The following PCCA variants were observed in gnomAD, a reference collection of about 807,000 sequenced individuals.
PCCA encodes the protein propionyl-CoA carboxylase subunit alpha.
In PCCA, 74 loss-of-function variants were observed where a neutral mutation model predicts 101.3. That is an observed-to-expected ratio of 0.73 (90% CI 0.61 to 0.89). The LOEUF is 0.89. PCCA is among the 40% of genes least tolerant of loss of function. PCCA has a pLI of 0.00. For synonymous variants in PCCA, 294 were observed against 313.6 expected (o/e 0.94, Z 0.66); for missense variants, 891 against 907.0 (o/e 0.98, Z 0.23).
intron 18 of PCCA, among the ~76,000 whole-genome samples, chr13:100,352,457 G>A (rs1247747088): frequency 6.6e-6 from 1 of 150,482 alleles, no homozygotes; most frequent in East Asian, 1.9e-4. Flanking sequence ...GAGTGCAGTG[G>A]CATCACAGGT....
intron 20 of PCCA, among the ~76,000 whole-genome samples, chr13:100,448,324 C>G (rs1315096016): frequency 6.6e-6 from 1 of 152,144 alleles, no homozygotes; most frequent in African/African-American, 2.4e-5. Flanking sequence ...TCCCGAGTAG[C>G]TGGGACTACA....
intron 6 of PCCA, 105 bp downstream of exon 6, chr13:100,157,445 AC>A: frequency 1.3e-6 from 1 of 777,494 alleles, no homozygotes. Flanking sequence ...ATTTTAATTA[AC>A]CCAGCAGTTC....
rs837333 is a variant in PCCA at position 100,526,758 on chromosome 13, T to G, written c.2041-917T>G. On this transcript the variant is annotated intron_variant, in intron 22 of 23. Coordinates refer to ENST00000376285, the MANE Select transcript of PCCA (RefSeq NM_000282.4). ...ACCCATCGGGGCAGAGCGAAGTGAGTGCGCAGCATGGTTTTCAGCTGCAGC... is the reference window on the plus strand; with the variant it reads ...ACCCATCGGGGCAGAGCGAAGTGAGGGCGCAGCATGGTTTTCAGCTGCAGC... Among the ~76,000 whole-genome samples the G allele has an allele frequency of 5.9e-5, 9 of 152,272 alleles. No individual in the cohort carries two copies. In the South Asian group the frequency reaches 1.0e-3, roughly 18 times the overall value.
rs117298745 is a variant in PCCA, at chr13:100,310,074, C to T, written c.1429+166C>T. Reference sequence around the variant, plus strand: ...CATCAAACCACCATACCAAGTATAGCCGTTTCCACTGTTTTAAGCAAATGC... The same window carrying T: ...CATCAAACCACCATACCAAGTATAGTCGTTTCCACTGTTTTAAGCAAATGC... On this transcript the variant is annotated intron_variant, in intron 16 of 23. Transcript: ENST00000376285. Among the ~76,000 whole-genome samples, 322 of 152,314 alleles carry T rather than the reference C, an allele frequency of 2.1e-3. 1 individual carries two copies. Among genetic ancestry groups the T allele is most frequent in the Non-Finnish European group, 3.5e-3 (235 of 68,040 alleles).
intron 2 of PCCA, among the ~76,000 whole-genome samples, chr13:100,105,984 ATT>A (rs1400794477): frequency 1.3e-5 from 2 of 151,506 alleles, no homozygotes; most frequent in African/African-American, 2.4e-5. Context: ...CCTTTGTACT[ATT>A]AGAATGTAAT....
At chr13:100,392,632 A>G (rs147187106) in intron 19 of PCCA, among the ~76,000 whole-genome samples, 26 of 152,230 alleles carry the variant, frequency 1.7e-4, no homozygotes, top group African/African-American at 6.0e-4. Flanking sequence ...CTGTGACCTG[A>G]AAACTTTTGA....
intron 7 of PCCA, among the ~76,000 whole-genome samples, chr13:100,216,098 C>T (rs1171632659): frequency 1.4e-5 from 2 of 145,614 alleles, no homozygotes; most frequent in East Asian, 4.4e-4. Flanking sequence ...CCCTCTCCTT[C>T]CCCTTTCCCT....
chr13:100,192,997 C>G (rs1231841599), intron 6 of PCCA, among the ~76,000 whole-genome samples: 1 of 152,172 alleles, frequency 6.6e-6, no homozygotes, highest in Non-Finnish European at 1.5e-5. Context: ...CTTAACCAGC[C>G]TGCTTCCGAG....
chr13:100,116,420 G>A (rs943408370), intron 4 of PCCA, among the ~76,000 whole-genome samples: 4 of 152,116 alleles, frequency 2.6e-5, no homozygotes, highest in Admixed American at 6.5e-5. Flanking sequence ...CAACTAATAA[G>A]TCACACAAGG....
At chr13:100,098,114 C>T (rs993446991) in intron 1 of PCCA, among the ~76,000 whole-genome samples, 1 of 151,874 alleles carries the variant, frequency 6.6e-6, no homozygotes, top group Admixed American at 6.6e-5. Flanking sequence ...TCATTTAAGC[C>T]TAGGAGTTAG....
chr13:100,089,125 CG>C lies in PCCA; in HGVS notation c.9del (p.Phe4SerfsTer22). 2 of 1,500,898 alleles carry C rather than the reference CG, an allele frequency of 1.3e-6. No homozygotes were observed. The highest frequency in any genetic ancestry group is 1.8e-6 in the Non-Finnish European group (2 of 1,121,596). The allele number at this position is 1,500,898 out of a possible 1,614,324, so 93.0% of individuals were successfully genotyped here. The stretch of plus-strand genomic sequence containing the variant: ...GGGCGGTCTGCGGGGACAACAATGG[CG>C]GGGTTCTGGGTCGGGACAGCACCGC... M[A>X]GFWVGTAPLV... On this transcript the variant is annotated frameshift_variant, in exon 1 of 24. Coordinates refer to ENST00000376285, the MANE Select transcript of PCCA (RefSeq NM_000282.4). LOFTEE classifies it high-confidence loss of function.
At chr13:100,353,110 A>T (rs932777547) in intron 18 of PCCA, among the ~76,000 whole-genome samples, 2 of 152,256 alleles carry the variant, frequency 1.3e-5, no homozygotes, top group African/African-American at 4.8e-5. Context: ...GTATAAACAT[A>T]TATGTACCTA....
At chr13:100,100,712 G>T (rs1319944452) in intron 1 of PCCA, among the ~76,000 whole-genome samples, 1 of 152,068 alleles carries the variant, frequency 6.6e-6, no homozygotes, top group Admixed American at 6.5e-5. Context: ...AACCAGTTCA[G>T]ACTTGTCGTG....
intron 14 of PCCA, among the ~76,000 whole-genome samples, chr13:100,305,168 T>G (rs1213079935): frequency 1.3e-5 from 2 of 152,176 alleles, no homozygotes; most frequent in African/African-American, 4.8e-5. Flanking sequence ...TGTGGTACAG[T>G]TTTTAATTGG....
intron 21 of PCCA, among the ~76,000 whole-genome samples, chr13:100,507,688 G>A (rs1443873093): frequency 1.3e-5 from 2 of 152,018 alleles, no homozygotes; most frequent in Admixed American, 1.3e-4. Flanking sequence ...ACAGAGTCTC[G>A]CACTGTGGCC....
At chr13:100,443,642 T>C (rs990701434) in intron 20 of PCCA, among the ~76,000 whole-genome samples, 2 of 82,142 alleles carry the variant, frequency 2.4e-5, no homozygotes, top group Non-Finnish European at 5.3e-5. Flanking sequence ...AGCAGTTCAG[T>C]GGGTTATTGT....
Position 100,235,800 on chromosome 13 carries a change from C to T in PCCA, c.601-42C>T, listed in dbSNP as rs1248796060. The T allele has an allele frequency of 4.9e-6, 7 of 1,422,050 alleles. No individual in the cohort carries two copies. The Admixed American group carries it at 1.2e-4, about 24-fold the overall frequency. 88.1% of individuals were successfully genotyped at this position (1,422,050 alleles called of 1,614,324 possible). A position where few individuals can be genotyped will look rare whatever the true frequency, so the allele number is the denominator to read the frequency against. ...ACTGCCCTAAAGACATTGTGCAATG[C>T]CTCATGGGATTAATGTTGAGTCTCA... On this transcript the variant is annotated intron_variant, in intron 7 of 23. Coordinates refer to ENST00000376285, the MANE Select transcript of PCCA (RefSeq NM_000282.4).
At chr13:100,238,031 C>T (rs924537178) in intron 8 of PCCA, among the ~76,000 whole-genome samples, 5 of 151,460 alleles carry the variant, frequency 3.3e-5, no homozygotes, top group South Asian at 2.1e-4. Flanking sequence ...TTCTGCCTCC[C>T]GGGTTCAGGT....
chr13:100,433,719 A>AC (rs1450622662), intron 20 of PCCA, among the ~76,000 whole-genome samples: 1 of 152,162 alleles, frequency 6.6e-6, no homozygotes, highest in Non-Finnish European at 1.5e-5. Context: ...AGAAACCTTT[A>AC]CTAGTGCAGA....
Sources: gnomAD v4.1 joint callset for allele counts (sites outside exome capture counted in the v4.1 genomes callset) on GRCh38, gnomAD v4.1.1 for gene constraint, MANE v1.5 for transcripts, NCBI Gene and HGNC (gene_info 2026-07-23, HGNC 2026-07-21) for gene names.